Variants in DCC observed in about 807,000 individuals in gnomAD.
DCC encodes DCC netrin 1 receptor, also known as netrin receptor DCC.
Under a neutral mutation model 172.5 loss-of-function variants are expected in DCC, and 58 were observed. The observed-to-expected ratio is 0.34, with a 90% CI of 0.27 to 0.42. The LOEUF (loss-of-function observed/expected upper bound fraction) is 0.42, where lower values mean the gene tolerates loss of function less well. Among genes scored for constraint, DCC ranks in the 10% least tolerant of loss-of-function variants. The pLI is 1.00. For missense variants in DCC, 1,740 were observed against 1,791.0 expected (o/e 0.97, Z 0.51); for synonymous variants, 709 against 644.5 (o/e 1.10, Z -1.52).
intron 1 of DCC, among the ~76,000 whole-genome samples, chr18:52,606,450 C>G (rs1220081536): frequency 1.3e-5 from 2 of 152,042 alleles, no homozygotes; most frequent in African/African-American, 4.8e-5. Flanking sequence ...GTTTAGTACT[C>G]TATGGAAAGA....
intron 2 of DCC, among the ~76,000 whole-genome samples, chr18:52,837,102 G>A (rs2038720356): frequency 6.6e-6 from 1 of 152,112 alleles, no homozygotes; most frequent in African/African-American, 2.4e-5. Flanking sequence ...GGAGTGTCTG[G>A]GAAACAGGGC....
chr18:52,722,079 C>T (rs1345647505), intron 1 of DCC, among the ~76,000 whole-genome samples: 3 of 152,076 alleles, frequency 2.0e-5, no homozygotes, highest in Non-Finnish European at 4.4e-5. Flanking sequence ...GTAAAATGCA[C>T]ATTGCATTCA....
Position 52,567,082 on chromosome 18 carries a change from A to G in DCC, c.92-184972A>G, listed in dbSNP as rs184424951. On this transcript the variant is annotated intron_variant, in intron 1 of 28. Coordinates refer to ENST00000442544, the MANE Select transcript of DCC (RefSeq NM_005215.4). ...AAGTACCGATTGTTATTAAAATTAT[A>G]TTGGACCCTATGAAGCGGTGATATC... Among the ~76,000 whole-genome samples, 536 of 152,254 alleles carry G rather than the reference A, an allele frequency of 3.5e-3. 2 individuals are homozygous for G. Among genetic ancestry groups the G allele is most frequent in the Non-Finnish European group, 5.8e-3 (392 of 68,024 alleles).
At chr18:52,877,704 T>TAA (rs35330118) in intron 2 of DCC, among the ~76,000 whole-genome samples, 8 of 148,816 alleles carry the variant, frequency 5.4e-5, no homozygotes, top group African/African-American at 1.7e-4. Flanking sequence ...TGAGACAATA[T>TAA]AAAAAAAAAA....
At chr18:53,109,022 C>G (rs2043292745) in intron 7 of DCC, among the ~76,000 whole-genome samples, 1 of 150,934 alleles carries the variant, frequency 6.6e-6, no homozygotes, top group Admixed American at 6.7e-5. Context: ...TATATTTTCA[C>G]CTAGTACTTA....
intron 18 of DCC, among the ~76,000 whole-genome samples, chr18:53,401,678 A>G (rs1342329563): frequency 3.9e-5 from 6 of 152,168 alleles, no homozygotes; most frequent in Non-Finnish European, 8.8e-5. Flanking sequence ...ATTACTCCAG[A>G]TCCCAAACAC....
At chr18:52,855,778 T>TC (rs1365620569) in intron 2 of DCC, among the ~76,000 whole-genome samples, 4 of 150,434 alleles carry the variant, frequency 2.7e-5, no homozygotes, top group African/African-American at 9.8e-5. Flanking sequence ...TTTTTTTTTT[T>TC]TTTTGAGATG....
intron 12 of DCC, among the ~76,000 whole-genome samples, chr18:53,240,862 T>C (rs746201315): frequency 4.6e-5 from 7 of 152,198 alleles, no homozygotes; most frequent in Admixed American, 1.3e-4. Context: ...TTTCAGATAT[T>C]TGTAATAGTT....
chr18:52,601,376 G>A (rs1352578587), intron 1 of DCC, among the ~76,000 whole-genome samples: 1 of 151,778 alleles, frequency 6.6e-6, no homozygotes, highest in Non-Finnish European at 1.5e-5. Flanking sequence ...TTTTGAAGTG[G>A]TTATAGATTT....
chr18:52,795,340 A>G (rs969417973), intron 2 of DCC, among the ~76,000 whole-genome samples: 12 of 151,564 alleles, frequency 7.9e-5, no homozygotes, highest in African/African-American at 2.2e-4. Context: ...ATTTCTGTCT[A>G]GATCAGTCTT....
chr18:53,377,966 A>G (rs535415694), intron 15 of DCC, among the ~76,000 whole-genome samples: 5 of 152,040 alleles, frequency 3.3e-5, no homozygotes, highest in African/African-American at 1.2e-4. Context: ...ATTTATTTTA[A>G]TTAATTAATT....
chr18:53,324,268 A>G lies in DCC; in HGVS notation c.2164+2111A>G, dbSNP rs143977021. On this transcript the variant is annotated intron_variant, in intron 14 of 28. Transcript: ENST00000442544. ...GTGGAGCTAGAAAAAGTCACATTTC[A>G]CAGAGTTCATACCCATCACTAATAG... Among the ~76,000 whole-genome samples, 544 of 152,268 alleles carry G rather than the reference A, an allele frequency of 3.6e-3. 5 individuals carry two copies. The highest frequency in any genetic ancestry group is 6.8e-3 in the Middle Eastern group (2 of 294).
chr18:52,822,935 T>A (rs1210402372), intron 2 of DCC, among the ~76,000 whole-genome samples: 1 of 152,154 alleles, frequency 6.6e-6, no homozygotes, highest in Non-Finnish European at 1.5e-5. Flanking sequence ...GAAGTGGTAT[T>A]TTTTAAGAAA....
intron 1 of DCC, among the ~76,000 whole-genome samples, chr18:52,615,195 G>T (rs972405192): frequency 6.6e-6 from 1 of 152,164 alleles, no homozygotes; most frequent in Non-Finnish European, 1.5e-5. Flanking sequence ...TCAGAATGGA[G>T]TGTAACCCAG....
chr18:53,017,201 G>A (rs1167158092), intron 5 of DCC, among the ~76,000 whole-genome samples: 3 of 150,924 alleles, frequency 2.0e-5, no homozygotes, highest in East Asian at 2.0e-4. Flanking sequence ...TCAGCCTCCC[G>A]CGTAGCTGGG....
chr18:52,801,342 C>A (rs1053334251), intron 2 of DCC, among the ~76,000 whole-genome samples: 1 of 152,100 alleles, frequency 6.6e-6, no homozygotes, highest in South Asian at 2.1e-4. Flanking sequence ...ACAGCTCACA[C>A]GTATGGAGGA....
At chr18:53,167,947 G>C (rs1004748878) in intron 8 of DCC, among the ~76,000 whole-genome samples, 1 of 152,140 alleles carries the variant, frequency 6.6e-6, no homozygotes, top group African/African-American at 2.4e-5. Context: ...TGAGTCAGGA[G>C]AAGGTAACTC....
intron 28 of DCC, chr18:53,530,228 TGAA>T (rs763151120): frequency 7.6e-6 from 5 of 656,054 alleles, no homozygotes; most frequent in Non-Finnish European, 1.4e-5. Flanking sequence ...ATTTTATAGA[TGAA>T]GAAAATTACG....
intron 7 of DCC, among the ~76,000 whole-genome samples, chr18:53,152,867 C>T (rs1378925096): frequency 3.9e-5 from 6 of 152,192 alleles, no homozygotes; most frequent in Non-Finnish European, 7.3e-5. Flanking sequence ...TGTGTTCCTC[C>T]GTTTTAATAT....
Sources: allele counts gnomAD v4.1 joint callset (sites outside exome capture counted in the v4.1 genomes callset), GRCh38; gene constraint gnomAD v4.1.1; transcripts MANE v1.5; gene names NCBI Gene and HGNC (gene_info 2026-07-23, HGNC 2026-07-21).